Variants in GABBR2 observed in about 807,000 individuals in gnomAD.
GABBR2 encodes gamma-aminobutyric acid type B receptor subunit 2.
Under a neutral mutation model 105.6 loss-of-function variants are expected in GABBR2, and 23 were observed. That is an observed-to-expected ratio of 0.22 (90% CI 0.16 to 0.31). The LOEUF is 0.31. Ranked by LOEUF, GABBR2 falls within the 10% of genes least tolerant of loss-of-function variation. GABBR2 has a pLI of 1.00. For missense variants in GABBR2, 734 were observed against 1,245.5 expected (o/e 0.59, Z 6.18); for synonymous variants, 478 against 499.7 (o/e 0.96, Z 0.58).
chr9:98,708,914 G>A lies in GABBR2; in HGVS notation c.-177C>T. ...AACGGCCGCGGCGGCGGCGGCGGCA[G>A]CGGCGGCGCCCGTGACGGATCAATC... On this transcript the variant is annotated 5_prime_UTR_variant, in exon 1 of 19. Transcript: ENST00000259455. 4.8e-6 allele frequency: 1 copy of A among 206,560 alleles called. No individual in the cohort carries two copies. The highest frequency in any genetic ancestry group is 8.4e-6 in the Non-Finnish European group (1 of 118,680). The allele number at this position is 206,560 out of a possible 1,614,324, so 12.8% of individuals were successfully genotyped here.
chr9:98,673,572 C>T (rs1308328432), intron 1 of GABBR2, among the ~76,000 whole-genome samples: 10 of 126,716 alleles, frequency 7.9e-5, no homozygotes, highest in Admixed American at 2.7e-4. Context: ...TACGAGAAAA[C>T]GTTTTCTAAG....
chr9:98,641,429 C>T (rs770987971), intron 1 of GABBR2, among the ~76,000 whole-genome samples: 2 of 152,026 alleles, frequency 1.3e-5, no homozygotes, highest in Non-Finnish European at 2.9e-5. Flanking sequence ...TGAGCCACCA[C>T]ACGTCCAGCC....
At chr9:98,635,232 C>T (rs777971116) in intron 1 of GABBR2, among the ~76,000 whole-genome samples, 2 of 152,210 alleles carry the variant, frequency 1.3e-5, no homozygotes, top group Non-Finnish European at 2.9e-5. Context: ...AACTGGCACA[C>T]CCAGAACTTC....
chr9:98,667,411 T>TC (rs1830350650), intron 1 of GABBR2, among the ~76,000 whole-genome samples: 10 of 152,022 alleles, frequency 6.6e-5, no homozygotes, highest in Admixed American at 6.5e-4. Flanking sequence ...TGGGCACCGC[T>TC]ACCCCAGCTG....
At chr9:98,572,629 G>A (rs1828848418) in intron 2 of GABBR2, among the ~76,000 whole-genome samples, 1 of 151,740 alleles carries the variant, frequency 6.6e-6, no homozygotes, top group Non-Finnish European at 1.5e-5. Context: ...GGCTTGGGAG[G>A]TCCACAGAGT....
chr9:98,441,241 TA>T (rs1826025549), intron 7 of GABBR2, among the ~76,000 whole-genome samples: 1 of 152,206 alleles, frequency 6.6e-6, no homozygotes, highest in African/African-American at 2.4e-5. Context: ...TAAAAATACT[TA>T]AAAAATAAAT....
chr9:98,400,314 C>T (rs146448299), intron 8 of GABBR2, among the ~76,000 whole-genome samples: 3 of 151,706 alleles, frequency 2.0e-5, no homozygotes, highest in Non-Finnish European at 2.9e-5. Context: ...AGAAACGATA[C>T]GTAAAGTCAC....
intron 13 of GABBR2, among the ~76,000 whole-genome samples, chr9:98,350,693 T>A (rs1269984113): frequency 1.3e-5 from 2 of 152,214 alleles, no homozygotes; most frequent in African/African-American, 2.4e-5. Flanking sequence ...CATGTGTTGA[T>A]GAGAAAAACG....
At chr9:98,330,063 G>A (rs907568402) in intron 13 of GABBR2, among the ~76,000 whole-genome samples, 1 of 152,144 alleles carries the variant, frequency 6.6e-6, no homozygotes, top group Non-Finnish European at 1.5e-5. Flanking sequence ...ATTCTCCACT[G>A]CTGAATTTCC....
chr9:98,704,100 G>A lies in GABBR2; in HGVS notation c.321+4317C>T, dbSNP rs1003216013. 8.6e-5 allele frequency among the ~76,000 whole-genome samples: 13 copies of A among 152,044 alleles called. No homozygotes were observed. In the East Asian group the frequency reaches 2.1e-3, roughly 25 times the overall value. ...TTCACCAGCTGCCTCTCTCAAACCC[G>A]GGGCTATGTTTTACACCTTTCTGCA... On this transcript the variant is annotated intron_variant, in intron 1 of 18. Coordinates refer to ENST00000259455, the MANE Select transcript of GABBR2 (RefSeq NM_005458.8).
In GABBR2 at chr9:98,473,341, G is replaced by A. The variant is rs749450235; in HGVS notation, c.804C>T (p.Tyr268=). ...ATTTACTACCATACATGTTCTCCTC[G>A]TATGCCTGTAAAAGATGGAGTGACT... ...NMAAKVFCCA[Y]EENMYGSKYQ... The change falls in exon 6 of 19, where the codon TAC becomes TAT. Residue 268 remains tyrosine (Y), a synonymous_variant. Transcript: ENST00000259455. 33 of 1,607,096 alleles carry A rather than the reference G, an allele frequency of 2.1e-5. No homozygotes were observed. Among genetic ancestry groups the A allele is most frequent in the Admixed American group, 1.0e-4 (6 of 59,936 alleles).
At chr9:98,623,304 A>G (rs7853961) in intron 1 of GABBR2, among the ~76,000 whole-genome samples, 14,105 of 152,072 alleles carry the variant, frequency 0.093, 1,055 homozygotes, top group African/African-American at 0.2. Flanking sequence ...CCATGCCTGT[A>G]ATCAATCCCA....
chr9:98,299,749 T>C (rs1830438769), intron 16 of GABBR2, among the ~76,000 whole-genome samples: 1 of 152,186 alleles, frequency 6.6e-6, no homozygotes, highest in Non-Finnish European at 1.5e-5. Context: ...TTTCTTTTTC[T>C]GTAGAATGGG....
In GABBR2 at chr9:98,577,965, T is replaced by C; in HGVS notation, c.429A>G (p.Ala143=). 3 of 1,614,012 alleles carry C rather than the reference T, an allele frequency of 1.9e-6. No homozygotes were observed. The highest frequency in any genetic ancestry group is 2.5e-6 in the Non-Finnish European group (3 of 1,179,898). The part of the protein sequence containing the change: ...GVCPSVTSII[A]ESLQGWNLVQ... ...CCAGATTCCAGCCTTGGAGGGACTC[T>C]GCAATGATGGATGTGACGGATGGAC... Residue 143 remains alanine (A), a synonymous_variant, in exon 2 of 19, where the codon GCA becomes GCG. Transcript: ENST00000259455.
chr9:98,365,028 A>G (rs961175700), intron 12 of GABBR2, among the ~76,000 whole-genome samples: 3 of 152,156 alleles, frequency 2.0e-5, no homozygotes. Context: ...TCTCATTTGT[A>G]AAATGGGCAG....
At chr9:98,418,155 G>C (rs1362821131) in intron 7 of GABBR2, among the ~76,000 whole-genome samples, 1 of 152,174 alleles carries the variant, frequency 6.6e-6, no homozygotes, top group African/African-American at 2.4e-5. Flanking sequence ...TGGGCATGGG[G>C]GAAGGACTGG....
chr9:98,338,912 A>T (rs995136546), intron 13 of GABBR2, among the ~76,000 whole-genome samples: 1 of 152,268 alleles, frequency 6.6e-6, no homozygotes, highest in Non-Finnish European at 1.5e-5. Context: ...GGAAAAACAA[A>T]ATGCAATATA....
intron 13 of GABBR2, among the ~76,000 whole-genome samples, chr9:98,359,209 A>C (rs7023272): frequency 0.25 from 37,715 of 151,948 alleles, 6,981 homozygotes; most frequent in African/African-American, 0.53. Flanking sequence ...AGGTGGATCA[A>C]TTGAGGCCAG....
chr9:98,345,993 C>A (rs1055790677), intron 13 of GABBR2, among the ~76,000 whole-genome samples: 3 of 152,180 alleles, frequency 2.0e-5, no homozygotes, highest in Non-Finnish European at 4.4e-5. Flanking sequence ...ATTAAAAATA[C>A]CTTATTGTTA....
Sources: allele counts gnomAD v4.1 joint callset (sites outside exome capture counted in the v4.1 genomes callset), GRCh38; gene constraint gnomAD v4.1.1; transcripts MANE v1.5; gene names NCBI Gene and HGNC (gene_info 2026-07-23, HGNC 2026-07-21).